The following DPP10 variants were observed in gnomAD, a reference collection of about 807,000 sequenced individuals.
DPP10 encodes inactive dipeptidyl peptidase 10.
A neutral mutation model predicts 120.9 loss-of-function variants in DPP10; 33 were observed. That is an observed-to-expected ratio of 0.27 (90% CI 0.21 to 0.37). DPP10 has a LOEUF of 0.37. Among genes scored for constraint, DPP10 ranks in the 10% least tolerant of loss-of-function variants. The pLI is 1.00. For synonymous variants in DPP10, 337 were observed against 326.1 expected (o/e 1.03, Z -0.36); for missense variants, 816 against 942.8 (o/e 0.87, Z 1.76).
chr2:115,212,529 T>C (rs1203688747), intron 1 of DPP10, among the ~76,000 whole-genome samples: 9 of 152,160 alleles, frequency 5.9e-5, no homozygotes, highest in African/African-American at 2.2e-4. Flanking sequence ...TCTTTTAGCG[T>C]ATGAGACAGA....
intron 1 of DPP10, among the ~76,000 whole-genome samples, chr2:114,753,908 CAAAAAAAAAAAAAA>C (rs777798352): frequency 8.9e-5 from 3 of 33,766 alleles, no homozygotes; most frequent in Middle Eastern, 0.02. Context: ...GACTCCTTCT[CAAAAAAAAAAAAAA>C]AAAAAAAAAA....
At chr2:114,812,565 G>T (rs940687047) in intron 1 of DPP10, among the ~76,000 whole-genome samples, 1 of 144,534 alleles carries the variant, frequency 6.9e-6, no homozygotes, top group Admixed American at 6.9e-5. Flanking sequence ...TCCAGCCTGG[G>T]CAACAGGGTG....
At chr2:115,245,792 AT>A (rs563506443) in intron 1 of DPP10, among the ~76,000 whole-genome samples, 169 of 152,292 alleles carry the variant, frequency 1.1e-3, no homozygotes, top group African/African-American at 4.0e-3. Flanking sequence ...GATTTCTGTC[AT>A]ATAAGTCAGC....
intron 1 of DPP10, among the ~76,000 whole-genome samples, chr2:114,977,676 T>G (rs990878213): frequency 1.3e-5 from 2 of 152,148 alleles, no homozygotes; most frequent in South Asian, 4.1e-4. Flanking sequence ...CCTACATTGC[T>G]GTGTAAAATC....
At chr2:115,701,923 T>C (rs2091906539) in intron 7 of DPP10, among the ~76,000 whole-genome samples, 1 of 150,156 alleles carries the variant, frequency 6.7e-6, no homozygotes, top group Non-Finnish European at 1.5e-5. Context: ...CCATTTTCGG[T>C]AGGTAAACAC....
At chr2:115,227,737 T>C (rs981263165) in intron 1 of DPP10, among the ~76,000 whole-genome samples, 1 of 152,160 alleles carries the variant, frequency 6.6e-6, no homozygotes, top group Admixed American at 6.6e-5. Flanking sequence ...CTGTGGTGTG[T>C]GTATCAGTCT....
intron 1 of DPP10, among the ~76,000 whole-genome samples, chr2:114,952,704 G>C (rs142674743): frequency 6.6e-6 from 1 of 152,280 alleles, no homozygotes; most frequent in East Asian, 1.9e-4. Context: ...ACATGTGTTG[G>C]GGAAGGGTGA....
chr2:115,499,500 G>T lies in DPP10; in HGVS notation c.272-10G>T. ...GTATTTGTCAATTGTGAATGTCTTTGTTGTTGCAGATACAGATGTGGTGTA... is the reference window on the plus strand; with the variant it reads ...GTATTTGTCAATTGTGAATGTCTTTTTTGTTGCAGATACAGATGTGGTGTA... On this transcript the variant is annotated splice_polypyrimidine_tract_variant and intron_variant, in intron 3 of 25. Transcript: ENST00000410059. 6.2e-7 allele frequency: 1 copy of T among 1,604,460 alleles called. No individual in the cohort carries two copies. Among genetic ancestry groups the T allele is most frequent in the South Asian group, 1.1e-5 (1 of 90,132 alleles).
At chr2:114,662,439 G>A (rs60380226) in intron 1 of DPP10, among the ~76,000 whole-genome samples, 46 of 152,190 alleles carry the variant, frequency 3.0e-4, no homozygotes, top group Non-Finnish European at 2.2e-4. Context: ...TCCGCGGAGC[G>A]GGACGCCTGC....
At chr2:114,804,315 A>G (rs907280522) in intron 1 of DPP10, among the ~76,000 whole-genome samples, 2 of 152,228 alleles carry the variant, frequency 1.3e-5, no homozygotes, top group Non-Finnish European at 2.9e-5. Context: ...AGGGCAGTGC[A>G]GAAGGGAAAT....
chr2:115,283,504 C>G (rs2060242780), intron 1 of DPP10, among the ~76,000 whole-genome samples: 1 of 151,954 alleles, frequency 6.6e-6, no homozygotes. Flanking sequence ...AGCAGCCATT[C>G]TTGATAACTA....
intron 1 of DPP10, among the ~76,000 whole-genome samples, chr2:114,545,041 G>A (rs1168576117): frequency 2.0e-5 from 3 of 151,914 alleles, no homozygotes; most frequent in African/African-American, 4.8e-5. Context: ...TAGTAGAGAC[G>A]GGGTTTCATC....
chr2:115,291,104 A>G (rs1474407154), intron 1 of DPP10, among the ~76,000 whole-genome samples: 1 of 152,078 alleles, frequency 6.6e-6, no homozygotes, highest in Admixed American at 6.6e-5. Flanking sequence ...CCTAGACTCA[A>G]GAGCTTCTTT....
intron 5 of DPP10, among the ~76,000 whole-genome samples, chr2:115,560,259 T>C (rs911443960): frequency 1.2e-4 from 18 of 146,240 alleles, no homozygotes; most frequent in Non-Finnish European, 2.7e-4. Context: ...TAGTCCCAGC[T>C]ACTCGGGAGG....
chr2:115,246,332 T>G (rs1201275514), intron 1 of DPP10, among the ~76,000 whole-genome samples: 3 of 152,136 alleles, frequency 2.0e-5, no homozygotes, highest in South Asian at 2.1e-4. Context: ...TTGCTGAGCT[T>G]TCCACCAATG....
At chr2:114,628,428 T>C (rs1299058981) in intron 1 of DPP10, among the ~76,000 whole-genome samples, 3 of 152,202 alleles carry the variant, frequency 2.0e-5, no homozygotes, top group African/African-American at 7.2e-5. Context: ...GCATGAAACA[T>C]GTCTAATTGT....
chr2:115,644,077 A>G (rs2087013318), intron 5 of DPP10, among the ~76,000 whole-genome samples: 5 of 152,190 alleles, frequency 3.3e-5, no homozygotes, highest in Admixed American at 3.3e-4. Flanking sequence ...CTCATACTGC[A>G]CATCAACTGT....
chr2:115,140,732 A>G (rs1437516481), intron 1 of DPP10, among the ~76,000 whole-genome samples: 1 of 152,106 alleles, frequency 6.6e-6, no homozygotes, highest in East Asian at 1.9e-4. Flanking sequence ...GTGATAGGAG[A>G]GAGAAGTGAA....
chr2:114,798,203 G>T (rs1683880628), intron 1 of DPP10, among the ~76,000 whole-genome samples: 1 of 152,156 alleles, frequency 6.6e-6, no homozygotes, highest in Non-Finnish European at 1.5e-5. Context: ...GGGCCAAGGG[G>T]TGGGGTGGGG....
Sources: gnomAD v4.1 joint callset for allele counts (sites outside exome capture counted in the v4.1 genomes callset) on GRCh38, gnomAD v4.1.1 for gene constraint, MANE v1.5 for transcripts, NCBI Gene and HGNC (gene_info 2026-07-23, HGNC 2026-07-21) for gene names.